The following PNPLA6 variants were observed in gnomAD, a reference collection of about 807,000 sequenced individuals.
The protein encoded by PNPLA6 is patatin-like phospholipase domain-containing protein 6.
A neutral mutation model predicts 153.7 loss-of-function variants in PNPLA6; 105 were observed. That is an observed-to-expected ratio of 0.68 (90% confidence interval 0.58 to 0.80). PNPLA6 has a LOEUF of 0.80. Among genes scored for constraint, PNPLA6 ranks in the 30% least tolerant of loss-of-function variants. The pLI, the probability that PNPLA6 is intolerant of heterozygous loss-of-function variation, is 0.00. For missense variants in PNPLA6, 1,423 were observed against 1,919.3 expected (o/e 0.74, Z 4.83); for synonymous variants, 825 against 822.2 (o/e 1.00, Z -0.06).
At position 7,542,876 on chromosome 19, in the gene PNPLA6, G is replaced by A; in HGVS notation, c.1478G>A (p.Ser493Asn). ...GGGCCCTACCAGGGCCGCCAGACCA[G>A]CAGCATCTTCGAGGCAGCAAAGCAG... ...PFGPYQGRQT[S>N]SIFEAAKQEL... Residue 493 changes from serine (S) to asparagine (N), a missense_variant, in exon 12 of 32, where the codon AGC becomes AAC. By Grantham distance (46) the Ser-to-Asn change is conservative. Coordinates refer to ENST00000600737, the MANE Select transcript of PNPLA6 (RefSeq NM_001166114.2). 1 of 1,613,352 alleles carries A rather than the reference G, an allele frequency of 6.2e-7. No homozygotes were observed. Among genetic ancestry groups the A allele is most frequent in the Non-Finnish European group, 8.5e-7 (1 of 1,179,890 alleles).
rs1182661908 is a variant in PNPLA6 at position 7,535,880 on chromosome 19, A to G, written c.92A>G (p.Glu31Gly). 4.5e-6 allele frequency: 7 copies of G among 1,544,002 alleles called. No homozygotes were observed. In the Middle Eastern group the frequency reaches 5.0e-4, roughly 110 times the overall value. ...TTCCAGGACGTCCTGGCGCCCGGGG[A>G]AGGCTCGGCGGGACGGATTTGCGGT... ...DGFQDVLAPG[E>G]GSAGRICGAQ... is the part of the protein sequence containing the mutation. The change falls in exon 1 of 32, where the codon GAA becomes GGA. Residue 31 changes from glutamate to glycine, a missense_variant. Glu to Gly is a moderately conservative substitution (Grantham distance 98). Around this residue, in one of 10 missense-constraint regions of PNPLA6, gnomAD observed 109 missense variants for 109.4 expected, o/e 1.00. Coordinates refer to ENST00000600737, the MANE Select transcript of PNPLA6 (RefSeq NM_001166114.2). The surrounding 1 kb of genome is among the most constrained non-coding windows in gnomAD (Gnocchi z 5.0).
In PNPLA6 at chr19:7,555,839, T is replaced by A; in HGVS notation, c.3093+76T>A. On this transcript the variant is annotated intron_variant, in intron 24 of 31. Coordinates refer to ENST00000600737, the MANE Select transcript of PNPLA6 (RefSeq NM_001166114.2). This position sits in a 1 kb window ranked among gnomAD's most constrained non-coding sequence, Gnocchi z 6.3. ...GTGGTTCCAACCTAACCTGATCCCA[T>A]GGGGGAGCCTCCGGGGTCAGGGTGA... 1 of 1,497,500 alleles carries A rather than the reference T, an allele frequency of 6.7e-7. No individual in the cohort carries two copies. Among genetic ancestry groups the A allele is most frequent in the Non-Finnish European group, 9.2e-7 (1 of 1,084,982 alleles). 92.8% of individuals were successfully genotyped at this position (1,497,500 alleles called of 1,614,324 possible). A position where few individuals can be genotyped will look rare whatever the true frequency, so the allele number is the denominator to read the frequency against.
Position 7,561,275 on chromosome 19 carries a change from G to C in PNPLA6, c.3981G>C (p.Gly1327=). ...GACCCGACTGCTCGAGGGATGAAGG[G>C]GGGTCCCCCGAGGGCGCAAGCCCCA... The part of the protein sequence containing the change: ...DAGPDCSRDE[G]GSPEGASPST... Residue 1327 remains glycine (G), a synonymous_variant, in exon 31 of 32, where the codon GGG becomes GGC. Transcript: ENST00000600737. 6.2e-7 allele frequency: 1 copy of C among 1,610,378 alleles called. No homozygotes were observed. The highest frequency in any genetic ancestry group is 1.1e-5 in the South Asian group (1 of 90,208).
chr19:7,561,528 C>T lies in PNPLA6; in HGVS notation c.4064C>T (p.Pro1355Leu), dbSNP rs2024101144. The T allele has an allele frequency of 1.2e-6, 2 of 1,608,360 alleles. No homozygotes were observed. Among genetic ancestry groups the T allele is most frequent in the African/African-American group, 2.7e-5 (2 of 74,848 alleles). ...KSILRQRRCL[P>L]QEPPGSATDA is the part of the protein sequence containing the mutation. ...ATTCTCCGGCAACGACGCTGTCTGCCCCAGGAGCCGCCCGGCTCAGCCACA... is the reference window on the plus strand; with the variant it reads ...ATTCTCCGGCAACGACGCTGTCTGCTCCAGGAGCCGCCCGGCTCAGCCACA... Residue 1355 changes from proline to leucine, a missense_variant, in exon 32 of 32, where the codon CCC becomes CTC. By Grantham distance (98) the Pro-to-Leu change is moderately conservative. Transcript: ENST00000600737.
intron 2 of PNPLA6, 77 bp downstream of exon 2, chr19:7,536,350 C>A: frequency 7.1e-7 from 1 of 1,410,648 alleles, no homozygotes; most frequent in Non-Finnish European, 1.0e-6. Context: ...TCTTAGTGTC[C>A]GCCACCGCTC....
Position 7,541,975 on chromosome 19 carries a change from C to G in PNPLA6, c.1169-9C>G. 1 of 1,606,454 alleles carries G rather than the reference C, an allele frequency of 6.2e-7. No individual in the cohort carries two copies. Among genetic ancestry groups the G allele is most frequent in the Admixed American group, 1.7e-5 (1 of 60,010 alleles). On this transcript the variant is annotated splice_polypyrimidine_tract_variant and intron_variant, in intron 9 of 31. Transcript: ENST00000600737. The surrounding 1 kb of genome is among the most constrained non-coding windows in gnomAD (Gnocchi z 5.2). ...GAGGGGCAGGAGCCTGAACATGTGTCTCCCCCAGGGGACCCTGTGAAGCCC... is the reference window on the plus strand; with the variant it reads ...GAGGGGCAGGAGCCTGAACATGTGTGTCCCCCAGGGGACCCTGTGAAGCCC...
Position 7,540,502 on chromosome 19 carries a change from G to T in PNPLA6, c.715-128G>T. On this transcript the variant is annotated intron_variant, in intron 5 of 31. Coordinates refer to ENST00000600737, the MANE Select transcript of PNPLA6 (RefSeq NM_001166114.2). This position sits in a 1 kb window ranked among gnomAD's most constrained non-coding sequence, Gnocchi z 6.8. ...ATTGAACGATGGGAGATGCCTGCTC[G>T]TTGGAAGGGTTGGTGGGTTCCCCTG... The T allele has an allele frequency of 2.0e-6, 2 of 992,580 alleles. No individual in the cohort carries two copies. The highest frequency in any genetic ancestry group is 1.8e-5 in the Admixed American group (1 of 54,406). The allele number at this position is 992,580 out of a possible 1,614,324, so 61.5% of individuals were successfully genotyped here.
intron 13 of PNPLA6, among the ~76,000 whole-genome samples, chr19:7,544,032 C>G (rs1360797691): frequency 6.6e-6 from 1 of 151,620 alleles, no homozygotes; most frequent in Non-Finnish European, 1.5e-5. Context: ...CCAGGGTGGT[C>G]TCGATCTCCT....
chr19:7,550,182 C>G, intron 14 of PNPLA6, 70 bp downstream of exon 14: 1 of 1,608,066 alleles, frequency 6.2e-7, no homozygotes, highest in Non-Finnish European at 8.5e-7. Flanking sequence ...GGCCAGAACC[C>G]CATCCCTCAA....
chr19:7,544,034 C>T (rs1294856091), intron 13 of PNPLA6, among the ~76,000 whole-genome samples: 2 of 151,748 alleles, frequency 1.3e-5, no homozygotes, highest in South Asian at 2.1e-4. Flanking sequence ...AGGGTGGTCT[C>T]GATCTCCTGA....
rs764167838 is a variant in PNPLA6 at position 7,559,097 on chromosome 19, C to A, written c.3645C>A (p.Arg1215=). The A allele has an allele frequency of 6.2e-7, 1 of 1,614,208 alleles. No homozygotes were observed. Among genetic ancestry groups the A allele is most frequent in the South Asian group, 1.1e-5 (1 of 91,086 alleles). ...CCAGCTCCTACTGCGAGTACCTGCGCCCGCCCATCGACTGCTTCAAGACCA... is the reference window on the plus strand; with the variant it reads ...CCAGCTCCTACTGCGAGTACCTGCGACCGCCCATCGACTGCTTCAAGACCA... The part of the protein sequence containing the change: ...VKSSSYCEYL[R]PPIDCFKTMD... Residue 1215 remains arginine, a synonymous_variant, in exon 28 of 32, where the codon CGC becomes CGA. Transcript: ENST00000600737.
At chr19:7,553,682 G>A (rs1362205413) in intron 18 of PNPLA6, among the ~76,000 whole-genome samples, 193 bp from the exon 19 acceptor site, 1 of 152,222 alleles carries the variant, frequency 6.6e-6, no homozygotes. Context: ...TAGTAGTTGA[G>A]GCTGAGGGTC....
Position 7,550,072 on chromosome 19 carries a change from G to A in PNPLA6, c.1774G>A (p.Asp592Asn). 4 of 1,614,092 alleles carry A rather than the reference G, an allele frequency of 2.5e-6. No homozygotes were observed. Among genetic ancestry groups the A allele is most frequent in the Non-Finnish European group, 3.4e-6 (4 of 1,180,034 alleles). The change falls in exon 14 of 32, where the codon GAC becomes AAC. Residue 592 changes from aspartate (D) to asparagine (N), a missense_variant. By Grantham distance (23) the Asp-to-Asn change is conservative. Coordinates refer to ENST00000600737, the MANE Select transcript of PNPLA6 (RefSeq NM_001166114.2). The part of the protein sequence containing the change: ...PLIFTLRAQR[D>N]CTFLRISKSD... ...CATCTTCACACTGCGAGCCCAACGCGACTGCACCTTCCTGCGGATCTCCAA... is the reference window on the plus strand; with the variant it reads ...CATCTTCACACTGCGAGCCCAACGCAACTGCACCTTCCTGCGGATCTCCAA...
At chr19:7,548,957 C>A (rs777899740) in intron 13 of PNPLA6, among the ~76,000 whole-genome samples, 8 of 150,710 alleles carry the variant, frequency 5.3e-5, no homozygotes, top group Admixed American at 2.0e-4. Context: ...CGCCCGCCAC[C>A]ACGCCTGGCT....
At chr19:7,554,167 G>T (rs750252733) in intron 19 of PNPLA6, 42 bp from the exon 20 acceptor site, 15 of 1,598,522 alleles carry the variant, frequency 9.4e-6, no homozygotes, top group Admixed American at 6.7e-5. Flanking sequence ...CCCCAGCCCT[G>T]TGGACCATGG....
chr19:7,554,779 C>T, intron 21 of PNPLA6, 56 bp downstream of exon 21: 24 of 1,598,612 alleles, frequency 1.5e-5, no homozygotes, highest in Non-Finnish European at 2.0e-5. Flanking sequence ...CTTTGCCCTC[C>T]CGTGCCTGCA....
chr19:7,545,231 C>T (rs1399134092), intron 13 of PNPLA6, among the ~76,000 whole-genome samples: 9 of 151,980 alleles, frequency 5.9e-5, no homozygotes, highest in African/African-American at 1.4e-4. Flanking sequence ...TTCACCATGT[C>T]GGCCAGGCTG....
rs1291371715 is a variant in PNPLA6, at chr19:7,550,620, C to T, written c.2050C>T (p.Arg684Cys). The T allele has an allele frequency of 2.5e-6, 4 of 1,611,716 alleles. No individual in the cohort carries two copies. Among genetic ancestry groups the T allele is most frequent in the South Asian group, 1.1e-5 (1 of 90,960 alleles). The change falls in exon 16 of 32, where the codon CGC (arginine) becomes TGC (cysteine). Residue 684 changes from arginine (R) to cysteine (C), a missense_variant. By Grantham distance (180) the Arg-to-Cys change is radical. Coordinates refer to ENST00000600737, the MANE Select transcript of PNPLA6 (RefSeq NM_001166114.2). Reference sequence around the variant, plus strand: ...GAAGGAGCTGGTGGGCGAGTACGGCCGCGGCGACCTCATCGGCGTGGTGAG... The same window carrying T: ...GAAGGAGCTGGTGGGCGAGTACGGCTGCGGCGACCTCATCGGCGTGGTGAG... ...GKKELVGEYG[R>C]GDLIGVVEAL... is the part of the protein sequence containing the mutation.
chr19:7,540,429 A>C lies in PNPLA6; in HGVS notation c.714+121A>C, dbSNP rs2023079059. On this transcript the variant is annotated intron_variant, in intron 5 of 31. Coordinates refer to ENST00000600737, the MANE Select transcript of PNPLA6 (RefSeq NM_001166114.2). The surrounding 1 kb of genome is among the most constrained non-coding windows in gnomAD (Gnocchi z 6.8). ...TCATCGGGAGTCAGGGGAACGGGTG[A>C]CCGAGGACATTTGGGGTAGTCTGCG... 1 of 1,203,972 alleles carries C rather than the reference A, an allele frequency of 8.3e-7. No individual in the cohort carries two copies. Among genetic ancestry groups the C allele is most frequent in the Non-Finnish European group, 1.2e-6 (1 of 854,584 alleles). 74.6% of individuals were successfully genotyped at this position (1,203,972 alleles called of 1,614,324 possible).
Sources: gnomAD v4.1 joint callset for allele counts (sites outside exome capture counted in the v4.1 genomes callset) on GRCh38, gnomAD v4.1.1 for gene constraint, gnomAD v4.1.1 regional missense constraint, Gnocchi (gnomAD v3.1) non-coding constraint, MANE v1.5 for transcripts, NCBI Gene and HGNC (gene_info 2026-07-23, HGNC 2026-07-21) for gene names.